GPC6: variants seen among roughly 807,000 people sequenced by gnomAD.
GPC6 encodes glypican-6.
A neutral mutation model predicts 55.2 loss-of-function variants in GPC6; 14 were observed. The observed-to-expected ratio is 0.25, with a 90% CI of 0.17 to 0.40. The LOEUF is 0.40. Among genes scored for constraint, GPC6 ranks in the 10% least tolerant of loss-of-function variants. The pLI is 1.00. For synonymous variants in GPC6, 278 were observed against 259.6 expected, an observed-to-expected ratio of 1.07 and a Z score of -0.68; for missense variants, 641 against 708.5, an observed-to-expected ratio of 0.90 and a Z score of 1.08.
At chr13:93,914,172 C>T (rs1877161871) in intron 3 of GPC6, among the ~76,000 whole-genome samples, 1 of 152,108 alleles carries the variant, frequency 6.6e-6, no homozygotes, top group African/African-American at 2.4e-5. Flanking sequence ...CCCATCAACT[C>T]GTCATTTAAC....
chr13:94,111,511 T>A (rs964754677), intron 4 of GPC6, among the ~76,000 whole-genome samples: 2 of 146,746 alleles, frequency 1.4e-5, no homozygotes, highest in African/African-American at 2.5e-5. Context: ...ATAATAATAA[T>A]AAACTTCTTA....
chr13:94,222,294 T>C (rs1890408129), intron 4 of GPC6, among the ~76,000 whole-genome samples: 1 of 152,114 alleles, frequency 6.6e-6, no homozygotes, highest in East Asian at 1.9e-4. Context: ...AATACAAATC[T>C]AGATCTCTAA....
chr13:93,907,906 G>A (rs1876759830), intron 3 of GPC6, among the ~76,000 whole-genome samples: 1 of 152,060 alleles, frequency 6.6e-6, no homozygotes, highest in South Asian at 2.1e-4. Context: ...TTATGCAAAG[G>A]CAAGCACCTG....
At chr13:94,266,891 G>A (rs1891834883) in intron 4 of GPC6, among the ~76,000 whole-genome samples, 1 of 152,172 alleles carries the variant, frequency 6.6e-6, no homozygotes, top group Non-Finnish European at 1.5e-5. Context: ...TAGTTCTGCT[G>A]AGTCTTGCAT....
chr13:93,876,340 A>G (rs1187688033), intron 3 of GPC6, among the ~76,000 whole-genome samples: 1 of 152,018 alleles, frequency 6.6e-6, no homozygotes, highest in African/African-American at 2.4e-5. Context: ...TTTTGTCTTG[A>G]GCAACTCTAA....
chr13:93,583,052 C>G (rs1241398711), intron 2 of GPC6, among the ~76,000 whole-genome samples: 1 of 152,170 alleles, frequency 6.6e-6, no homozygotes, highest in African/African-American at 2.4e-5. Flanking sequence ...AGGTGATTTA[C>G]TTTATTGATC....
At chr13:93,984,547 G>A (rs569369632) in intron 3 of GPC6, among the ~76,000 whole-genome samples, 5 of 152,284 alleles carry the variant, frequency 3.3e-5, no homozygotes, top group African/African-American at 9.6e-5. Flanking sequence ...AAATTCAAAT[G>A]TATCATAGGA....
At chr13:93,219,106 C>G in the GPC6 span, among the ~76,000 whole-genome samples, 1 of 102,296 alleles carries the variant, frequency 9.8e-6, no homozygotes, top group Non-Finnish European at 2.1e-5. Flanking sequence ...TTTTTTTTTT[C>G]TTTTTTAGAC....
intron 6 of GPC6, among the ~76,000 whole-genome samples, chr13:94,357,525 C>G (rs1165407644): frequency 6.6e-6 from 1 of 152,220 alleles, no homozygotes; most frequent in African/African-American, 2.4e-5. Context: ...CTGCGGCACT[C>G]TTGGCCAACT....
At chr13:94,293,497 G>A (rs1310716904) in intron 5 of GPC6, among the ~76,000 whole-genome samples, 1 of 152,136 alleles carries the variant, frequency 6.6e-6, no homozygotes, top group African/African-American at 2.4e-5. Flanking sequence ...CCAGCCATGG[G>A]GAACTGTGAG....
intron 4 of GPC6, among the ~76,000 whole-genome samples, chr13:94,239,848 C>G (rs2139024067): frequency 6.6e-6 from 1 of 152,212 alleles, no homozygotes; most frequent in South Asian, 2.1e-4. Flanking sequence ...CAGCTTCCCT[C>G]TTGGAAGATC....
intron 3 of GPC6, among the ~76,000 whole-genome samples, chr13:93,944,484 A>C (rs564411888): frequency 6.6e-6 from 1 of 152,230 alleles, no homozygotes; most frequent in Non-Finnish European, 1.5e-5. Context: ...GATTACAGGC[A>C]TGAGCCACCA....
chr13:93,781,552 A>G (rs1326183769), intron 2 of GPC6, among the ~76,000 whole-genome samples: 1 of 152,094 alleles, frequency 6.6e-6, no homozygotes, highest in African/African-American at 2.4e-5. Context: ...TGTCAGAAGC[A>G]TTTCAAATTG....
chr13:94,273,257 T>A (rs549481644), intron 4 of GPC6, among the ~76,000 whole-genome samples: 1 of 152,188 alleles, frequency 6.6e-6, no homozygotes, highest in East Asian at 1.9e-4. Context: ...CTGACGCACA[T>A]CTTATGATCA....
At chr13:94,051,851 A>T (rs1883959044) in intron 4 of GPC6, among the ~76,000 whole-genome samples, 1 of 152,172 alleles carries the variant, frequency 6.6e-6, no homozygotes, top group Non-Finnish European at 1.5e-5. Context: ...AATTTTAGAA[A>T]TTTTAAGAAC....
intron 1 of GPC6, among the ~76,000 whole-genome samples, chr13:93,496,378 C>T (rs981973956): frequency 7.2e-5 from 11 of 152,202 alleles, no homozygotes; most frequent in African/African-American, 1.4e-4. Flanking sequence ...CGCCCTGCTT[C>T]GGCTCGCGCA....
Position 93,985,602 on chromosome 13 carries a change from G to A in GPC6, c.712-42127G>A, listed in dbSNP as rs1880989656. On this transcript the variant is annotated intron_variant, in intron 3 of 8. Transcript: ENST00000377047. ...AGCTACTCAGGAGGATGAGGTGGGA[G>A]GATCCATTGAGCCCAGGAATTCCAG... Among the ~76,000 whole-genome samples the A allele has an allele frequency of 2.2e-5, 3 of 139,462 alleles. No individual in the cohort carries two copies. In the South Asian group the frequency reaches 6.8e-4, roughly 32 times the overall value. The allele number at this position is 139,462 out of a possible 152,430, so 91.5% of individuals were successfully genotyped here. A position where few individuals can be genotyped will look rare whatever the true frequency, so the allele number is the denominator to read the frequency against.
At chr13:93,223,225 A>T (rs867088901), upstream of GPC6, among the ~76,000 whole-genome samples, 1 of 150,464 alleles carries the variant, frequency 6.6e-6, no homozygotes, top group East Asian at 2.0e-4. Flanking sequence ...GGGCTGCACG[A>T]CTCGTCTGTC....
chr13:93,356,552 C>A (rs1251789674), intron 1 of GPC6, among the ~76,000 whole-genome samples: 1 of 152,152 alleles, frequency 6.6e-6, no homozygotes, highest in African/African-American at 2.4e-5. Context: ...GTTGTCCAAG[C>A]TGAAAAAGCA....
Sources: gnomAD v4.1 joint callset for allele counts (sites outside exome capture counted in the v4.1 genomes callset) on GRCh38, gnomAD v4.1.1 for gene constraint, MANE v1.5 for transcripts, NCBI Gene and HGNC (gene_info 2026-07-23, HGNC 2026-07-21) for gene names.